Variants in ENTREP2 observed in about 807,000 individuals in gnomAD.
ENTREP2 encodes the protein endosomal transmembrane epsin interactor 2.
At chr15:29,562,911 C>T in the ENTREP2 span, among the ~76,000 whole-genome samples, 4 of 152,144 alleles carry the variant, frequency 2.6e-5, no homozygotes, top group Non-Finnish European at 4.4e-5. Context: ...CCACCTCAGC[C>T]TCCCAAGTAG....
At chr15:29,322,581 T>C in the ENTREP2 span, among the ~76,000 whole-genome samples, 3 of 152,244 alleles carry the variant, frequency 2.0e-5, no homozygotes, top group South Asian at 2.1e-4. Context: ...TTTCCTTTTG[T>C]TGCCCAGCAG....
chr15:29,456,270 T>G, the ENTREP2 span, among the ~76,000 whole-genome samples: 1 of 152,334 alleles, frequency 6.6e-6, no homozygotes, highest in Non-Finnish European at 1.5e-5. Context: ...TGGTTTGTTT[T>G]CATTTTGTCA....
At chr15:29,527,029 T>G in the ENTREP2 span, among the ~76,000 whole-genome samples, 1 of 152,190 alleles carries the variant, frequency 6.6e-6, no homozygotes, top group East Asian at 1.9e-4. Context: ...TTCCTTCTGC[T>G]GATATTTTCT....
At chr15:29,259,783 C>T in the ENTREP2 span, among the ~76,000 whole-genome samples, 3 of 149,764 alleles carry the variant, frequency 2.0e-5, no homozygotes, top group Non-Finnish European at 2.9e-5. Context: ...TAGATACCAG[C>T]CTGAGCAACA....
the ENTREP2 span, among the ~76,000 whole-genome samples, chr15:29,538,584 G>A: frequency 6.8e-6 from 1 of 147,706 alleles, no homozygotes. Flanking sequence ...CACAAGATCA[G>A]GAGATCGAGA....
chr15:29,225,520 T>TATAG, the ENTREP2 span, among the ~76,000 whole-genome samples: 2 of 152,024 alleles, frequency 1.3e-5, no homozygotes, highest in Non-Finnish European at 2.9e-5. Context: ...CCAGGACCTA[T>TATAG]CTACAGGGAT....
the ENTREP2 span, among the ~76,000 whole-genome samples, chr15:29,549,089 T>G: frequency 6.6e-6 from 1 of 152,154 alleles, no homozygotes; most frequent in Non-Finnish European, 1.5e-5. Context: ...CACTGAGCCA[T>G]TAACCATCAG....
At chr15:29,648,498 G>C in the ENTREP2 span, among the ~76,000 whole-genome samples, 5 of 152,172 alleles carry the variant, frequency 3.3e-5, no homozygotes, top group African/African-American at 9.7e-5. Flanking sequence ...ACCACCTGAA[G>C]AAGAGCCCCA....
the ENTREP2 span, among the ~76,000 whole-genome samples, chr15:29,226,634 A>G: frequency 6.6e-6 from 1 of 152,220 alleles, no homozygotes; most frequent in African/African-American, 2.4e-5. Flanking sequence ...AGGATGAGGA[A>G]GCTAAATCAG....
At chr15:29,342,446 C>T in the ENTREP2 span, among the ~76,000 whole-genome samples, 2 of 152,152 alleles carry the variant, frequency 1.3e-5, no homozygotes, top group African/African-American at 2.4e-5. Context: ...TGCCATAGTG[C>T]GACGAAGTCT....
the ENTREP2 span, among the ~76,000 whole-genome samples, chr15:29,438,951 T>G: frequency 6.6e-6 from 1 of 152,118 alleles, no homozygotes; most frequent in African/African-American, 2.4e-5. Context: ...ACATGTGTAT[T>G]TCCCCTGAAG....
the ENTREP2 span, among the ~76,000 whole-genome samples, chr15:29,487,639 G>A: frequency 6.6e-5 from 10 of 152,270 alleles, no homozygotes; most frequent in African/African-American, 2.4e-4. Flanking sequence ...CCCTGAGGTG[G>A]GGGAAGAATC....
At chr15:29,369,994 A>G in the ENTREP2 span, among the ~76,000 whole-genome samples, 2 of 152,206 alleles carry the variant, frequency 1.3e-5, no homozygotes, top group Admixed American at 6.5e-5. Context: ...CGATTGTCCA[A>G]TCTTGAACAT....
the ENTREP2 span, among the ~76,000 whole-genome samples, chr15:29,218,976 A>G: frequency 1.7e-4 from 26 of 152,362 alleles, no homozygotes; most frequent in African/African-American, 6.3e-4. Context: ...CTTCAACTAA[A>G]GAGCTTTTGC....
chr15:29,527,882 C>T, the ENTREP2 span, among the ~76,000 whole-genome samples: 1 of 152,250 alleles, frequency 6.6e-6, no homozygotes, highest in African/African-American at 2.4e-5. Context: ...TCTCCATTCT[C>T]ACGGGCTTGC....
chr15:29,554,431 G>C, the ENTREP2 span, among the ~76,000 whole-genome samples: 1 of 151,108 alleles, frequency 6.6e-6, no homozygotes, highest in Non-Finnish European at 1.5e-5. Context: ...AAAGGGGAGG[G>C]AAGGGGGAAG....
the ENTREP2 span, among the ~76,000 whole-genome samples, chr15:29,290,005 T>A: frequency 6.6e-6 from 1 of 152,176 alleles, no homozygotes; most frequent in Non-Finnish European, 1.5e-5. Context: ...AAGGAGGAAC[T>A]ACGGCTAAAT....
At chr15:29,207,427 G>C in the ENTREP2 span, among the ~76,000 whole-genome samples, 4 of 142,600 alleles carry the variant, frequency 2.8e-5, no homozygotes, top group Non-Finnish European at 4.6e-5. Context: ...CACCTCCTAC[G>C]AGCGGTGTGC....
At chr15:29,269,664 C>G in the ENTREP2 span, 1,464 of 1,562,782 alleles carry the variant, frequency 9.4e-4, no homozygotes, top group Admixed American at 1.4e-3. Context: ...CCCTCTCGGC[C>G]TGGCCGCCAG....
Sources: allele counts gnomAD v4.1 joint callset (sites outside exome capture counted in the v4.1 genomes callset), GRCh38; gene constraint gnomAD v4.1.1; transcripts MANE v1.5; gene names NCBI Gene and HGNC (gene_info 2026-07-23, HGNC 2026-07-21).